KCND3: variants seen among roughly 807,000 people sequenced by gnomAD.
KCND3 encodes the protein potassium voltage-gated channel subfamily D member 3, also known as A-type voltage-gated potassium channel KCND3.
In KCND3, 9 loss-of-function variants were observed where a neutral mutation model predicts 51.1. The observed-to-expected ratio is 0.18, with a 90% CI of 0.11 to 0.31. The LOEUF is 0.31. KCND3 is among the 10% of genes least tolerant of loss of function. The pLI is 1.00. For missense variants in KCND3, 526 were observed against 903.8 expected (o/e 0.58, Z 5.36); for synonymous variants, 349 against 368.0 (o/e 0.95, Z 0.59).
chr1:111,868,250 C>A (rs1000124931), intron 2 of KCND3, among the ~76,000 whole-genome samples: 5 of 152,214 alleles, frequency 3.3e-5, no homozygotes, highest in African/African-American at 1.2e-4. Context: ...CTGGCTCCAA[C>A]CTGCCCGGGA....
At chr1:111,838,268 G>A (rs1483059815) in intron 2 of KCND3, among the ~76,000 whole-genome samples, 1 of 152,158 alleles carries the variant, frequency 6.6e-6, no homozygotes, top group Non-Finnish European at 1.5e-5. Flanking sequence ...ATCACTCCAG[G>A]TGGTGGAGGT....
chr1:111,842,169 A>G (rs889258788), intron 2 of KCND3, among the ~76,000 whole-genome samples: 1 of 152,152 alleles, frequency 6.6e-6, no homozygotes, highest in African/African-American at 2.4e-5. Context: ...CTCTTGATAA[A>G]CACGGCATTC....
At chr1:111,889,464 T>C (rs1314818578) in intron 2 of KCND3, among the ~76,000 whole-genome samples, 2 of 152,238 alleles carry the variant, frequency 1.3e-5, no homozygotes, top group African/African-American at 4.8e-5. Context: ...GATCAGGAAG[T>C]TGAGCTTCTA....
chr1:111,914,751 G>A (rs1160452611), intron 2 of KCND3, among the ~76,000 whole-genome samples: 1 of 152,018 alleles, frequency 6.6e-6, no homozygotes, highest in Non-Finnish European at 1.5e-5. Context: ...AGATTTGCCT[G>A]TAAGAAATTT....
intron 2 of KCND3, among the ~76,000 whole-genome samples, chr1:111,855,921 A>G (rs1391878629): frequency 6.6e-6 from 1 of 152,166 alleles, no homozygotes; most frequent in Non-Finnish European, 1.5e-5. Context: ...CGGCCCCCTC[A>G]AGAGGAGCTA....
At chr1:111,807,330 T>C (rs1665615791) in intron 2 of KCND3, among the ~76,000 whole-genome samples, 1 of 152,250 alleles carries the variant, frequency 6.6e-6, no homozygotes, top group Non-Finnish European at 1.5e-5. Context: ...TTAGATAGGT[T>C]GAGATACACA....
intron 2 of KCND3, among the ~76,000 whole-genome samples, chr1:111,935,961 G>A (rs1376221230): frequency 6.6e-6 from 1 of 152,146 alleles, no homozygotes; most frequent in Non-Finnish European, 1.5e-5. Flanking sequence ...AATAAACTCT[G>A]CAAGACTGGT....
At position 111,982,291 on chromosome 1, in the gene KCND3, G is replaced by A. The variant is rs575658111; in HGVS notation, c.436C>T (p.Arg146Trp). Residue 146 changes from arginine to tryptophan, a missense_variant, in exon 2 of 8, where the codon CGG (arginine) becomes TGG (tryptophan). By Grantham distance (101) the Arg-to-Trp change is moderately radical (BLOSUM62 -3). Around this residue, in one of 5 missense-constraint regions of KCND3, gnomAD observed 159 missense variants for 262.8 expected, o/e 0.61. Transcript: ENST00000302127. This position sits in a 1 kb window ranked among gnomAD's most constrained non-coding sequence, Gnocchi z 8.5. ...TCCGAGTCGTTGTCGTCCATGAGCC[G>A]CTCGGCGTTCTCCCTCTTGCGGTCC... is the stretch of plus-strand genomic sequence containing the variant. ...YKDRKRENAE[R>W]LMDDNDSENN... 1.2e-6 allele frequency: 2 copies of A among 1,614,064 alleles called. No individual in the cohort carries two copies. The highest frequency in any genetic ancestry group is 1.7e-6 in the Non-Finnish European group (2 of 1,180,026).
intron 2 of KCND3, chr1:111,854,017 C>T (rs893261032): frequency 2.0e-5 from 3 of 152,172 alleles, no homozygotes; most frequent in Non-Finnish European, 2.9e-5. Flanking sequence ...TAAATATCTG[C>T]TGAGTGGATT....
At chr1:111,809,571 G>A (rs1665749374) in intron 2 of KCND3, among the ~76,000 whole-genome samples, 1 of 152,144 alleles carries the variant, frequency 6.6e-6, no homozygotes, top group South Asian at 2.1e-4. Context: ...GCCTCCCAAA[G>A]TGCTGGGATT....
chr1:111,837,500 T>A (rs1017855405), intron 2 of KCND3, among the ~76,000 whole-genome samples: 3 of 152,222 alleles, frequency 2.0e-5, no homozygotes, highest in African/African-American at 7.2e-5. Context: ...AGCATGAGAA[T>A]AGTTTAGTGA....
intron 2 of KCND3, among the ~76,000 whole-genome samples, chr1:111,866,723 G>A (rs527885848): frequency 3.2e-4 from 49 of 152,230 alleles, no homozygotes; most frequent in Non-Finnish European, 6.2e-4. Flanking sequence ...CTTGAGGTCA[G>A]GAGTTTGAGA....
intron 2 of KCND3, among the ~76,000 whole-genome samples, chr1:111,828,631 A>T (rs777615368): frequency 2.0e-5 from 3 of 152,126 alleles, no homozygotes; most frequent in African/African-American, 7.2e-5. Flanking sequence ...CTGTTACCCC[A>T]GGTGAGCTCT....
At chr1:111,986,131 G>A (rs1177057500) in intron 1 of KCND3, among the ~76,000 whole-genome samples, 1 of 152,196 alleles carries the variant, frequency 6.6e-6, no homozygotes, top group East Asian at 1.9e-4. Context: ...AAGGGGCAAG[G>A]GATGTTTGAG....
At chr1:111,812,171 G>A (rs967909979) in intron 2 of KCND3, among the ~76,000 whole-genome samples, 10 of 152,212 alleles carry the variant, frequency 6.6e-5, no homozygotes, top group Admixed American at 4.6e-4. Context: ...GAAGGGCCTG[G>A]ACAGCTGATC....
At chr1:111,859,957 T>G (rs1007987889) in intron 2 of KCND3, among the ~76,000 whole-genome samples, 2 of 152,194 alleles carry the variant, frequency 1.3e-5, no homozygotes, top group East Asian at 3.8e-4. Flanking sequence ...TTCCCTGACC[T>G]TTAACGCTTT....
At chr1:111,817,024 C>T (rs1415110174) in intron 2 of KCND3, among the ~76,000 whole-genome samples, 2 of 152,088 alleles carry the variant, frequency 1.3e-5, no homozygotes, top group African/African-American at 4.8e-5. Context: ...TTTGGGGGTA[C>T]AGGTGGTTTT....
At chr1:111,980,253 G>A (rs185768587) in intron 2 of KCND3, among the ~76,000 whole-genome samples, 4 of 143,480 alleles carry the variant, frequency 2.8e-5, no homozygotes, top group African/African-American at 7.6e-5. Flanking sequence ...GGAGTGGGAG[G>A]AAGGGGCAGG....
intron 2 of KCND3, among the ~76,000 whole-genome samples, chr1:111,947,751 T>A (rs1254181861): frequency 6.6e-6 from 1 of 152,222 alleles, no homozygotes. Context: ...GGTATTCTCA[T>A]AATGGCTAAA....
Sources: allele counts gnomAD v4.1 joint callset (sites outside exome capture counted in the v4.1 genomes callset), GRCh38; gene constraint gnomAD v4.1.1; regional missense constraint gnomAD v4.1.1; non-coding constraint Gnocchi (gnomAD v3.1); transcripts MANE v1.5; gene names NCBI Gene and HGNC (gene_info 2026-07-23, HGNC 2026-07-21).